The following NEB variants were observed in gnomAD, a reference collection of about 807,000 sequenced individuals.
The protein encoded by NEB is nemaline myopathy type 2.
Under a neutral mutation model 952.2 loss-of-function variants are expected in NEB, and 512 were observed. The observed-to-expected ratio is 0.54, with a 90% CI of 0.50 to 0.58. The LOEUF (loss-of-function observed/expected upper bound fraction) is 0.58, where lower values mean the gene tolerates loss of function less well. Ranked by LOEUF, NEB falls within the 20% of genes least tolerant of loss-of-function variation. The pLI, the probability that NEB is intolerant of heterozygous loss-of-function variation, is 0.00. For synonymous variants in NEB, 2,900 were observed against 3,149.8 expected (o/e 0.92, Z 2.66); for missense variants, 8,428 against 9,231.1 (o/e 0.91, Z 3.56).
In NEB at chr2:151,518,413, TGTACTG is replaced by T; in HGVS notation, c.22699_22704del (p.Gln7567_Tyr7568del). 6.2e-7 allele frequency: 1 copy of T among 1,602,452 alleles called. No individual in the cohort carries two copies. The highest frequency in any genetic ancestry group is 8.5e-7 in the Non-Finnish European group (1 of 1,169,762). On this transcript the variant is annotated inframe_deletion, in exon 156 of 182. Transcript: ENST00000397345. ...CCTTTACTCTTCTCATACTTCTTCTTGTACTGGTACTGAGGGGAAGGCGGCAAAAAA... is the reference window on the plus strand; with the variant it reads ...CCTTTACTCTTCTCATACTTCTTCTTGTACTGAGGGGAAGGCGGCAAAAAA...
intron 4 of NEB, among the ~76,000 whole-genome samples, 178 bp downstream of exon 4, chr2:151,729,437 A>G (rs2099800417): frequency 6.6e-6 from 1 of 152,210 alleles, no homozygotes; most frequent in African/African-American, 2.4e-5. Flanking sequence ...AAGGTGAAAT[A>G]ATCCATCAAA....
intron 181 of NEB, among the ~76,000 whole-genome samples, chr2:151,486,977 G>A (rs1248777138): frequency 6.6e-6 from 1 of 152,032 alleles, no homozygotes; most frequent in Non-Finnish European, 1.5e-5. Flanking sequence ...TTATGGAGAT[G>A]GTTGGAAAAA....
At chr2:151,577,779 A>G (rs1041080266) in intron 105 of NEB, among the ~76,000 whole-genome samples, 3 of 152,158 alleles carry the variant, frequency 2.0e-5, no homozygotes, top group Admixed American at 1.3e-4. Context: ...GGGTTTCACC[A>G]TGTTGGTCAG....
intron 142 of NEB, 58 bp downstream of exon 142, chr2:151,535,633 T>C: frequency 9.1e-7 from 1 of 1,101,792 alleles, no homozygotes; most frequent in Non-Finnish European, 1.3e-6. Flanking sequence ...TTAAAAAAAC[T>C]CTGAGACTTC....
At position 151,627,694 on chromosome 2, in the gene NEB, C is replaced by T. The variant is rs747709979; in HGVS notation, c.9972G>A (p.Lys3324=). Residue 3324 remains lysine (K), a synonymous_variant, in exon 69 of 182, where the codon AAG becomes AAA. Coordinates refer to ENST00000397345, the MANE Select transcript of NEB (RefSeq NM_001164508.2). The stretch of plus-strand genomic sequence containing the variant: ...CTGGGCTGCTGAACTTGGTCTTCCA[C>T]TTCTCAAAGTCCTTCTTATACTCCC... ...SDREYKKDFE[K]WKTKFSSPVD... is the part of the protein sequence containing the mutation. 13 of 1,613,990 alleles carry T rather than the reference C, an allele frequency of 8.1e-6. No homozygotes were observed. In the South Asian group the frequency reaches 1.4e-4, roughly 18 times the overall value.
At chr2:151,731,612 G>C (rs1320235439) in intron 3 of NEB, among the ~76,000 whole-genome samples, 1 of 152,144 alleles carries the variant, frequency 6.6e-6, no homozygotes. Context: ...AGACACAGAT[G>C]CTGTAATGGG....
At chr2:151,683,349 T>C (rs748221928) in intron 28 of NEB, among the ~76,000 whole-genome samples, 4 of 152,198 alleles carry the variant, frequency 2.6e-5, no homozygotes, top group Non-Finnish European at 5.9e-5. Context: ...TTATTTGGAA[T>C]TGGTCCTAGT....
At chr2:151,562,336 A>C in intron 120 of NEB, 122 bp from the exon 121 acceptor site, 1 of 870,828 alleles carries the variant, frequency 1.1e-6, no homozygotes, top group Non-Finnish European at 1.9e-6. Context: ...TAGGCCTCTC[A>C]CCAGCTGGAA....
At position 151,524,384 on chromosome 2, in the gene NEB, C is replaced by G. The variant is rs778536955; in HGVS notation, c.22406G>C (p.Gly7469Ala). ...VEYRAKHRKE[G>A]SHGLSMLGRP... is the part of the protein sequence containing the mutation. ...ACCGAGCATGCTTAAGCCATGGCTG[C>G]CTTCCTTGCGGTGCTTGGCTCTGTA... The change falls in exon 153 of 182, where the codon GGC (glycine) becomes GCC (alanine). Residue 7469 changes from glycine to alanine, a missense_variant. Gly to Ala is a moderately conservative substitution (Grantham distance 60, BLOSUM62 0). Coordinates refer to ENST00000397345, the MANE Select transcript of NEB (RefSeq NM_001164508.2). 4 of 1,613,950 alleles carry G rather than the reference C, an allele frequency of 2.5e-6. 1 individual carries two copies. The South Asian group carries it at 4.4e-5, about 18-fold the overall frequency.
chr2:151,618,723 G>A (rs1645123081), intron 73 of NEB, among the ~76,000 whole-genome samples: 1 of 152,108 alleles, frequency 6.6e-6, no homozygotes, highest in Non-Finnish European at 1.5e-5. Context: ...ACATGGTCCT[G>A]CCTATGACAG....
In NEB at chr2:151,671,144, T is replaced by C; in HGVS notation, c.4385A>G (p.Lys1462Arg). ...CCTCTCATTTAATGCATCGCCTGCT[T>C]TCTTGACCTTCTCCACCTCCAGGGA... ...IGSLEVEKVKKAGDALNERKY... is the reference protein window; with the variant it reads ...IGSLEVEKVKRAGDALNERKY... Residue 1462 changes from lysine to arginine, a missense_variant, in exon 38 of 182, where the codon AAA (lysine) becomes AGA (arginine). Physicochemically the swap from Lys to Arg is conservative, Grantham distance 26. Transcript: ENST00000397345. 1 of 1,613,990 alleles carries C rather than the reference T, an allele frequency of 6.2e-7. No individual in the cohort carries two copies. Among genetic ancestry groups the C allele is most frequent in the Non-Finnish European group, 8.5e-7 (1 of 1,179,864 alleles).
intron 9 of NEB, among the ~76,000 whole-genome samples, chr2:151,720,954 A>C (rs1031057442): frequency 2.6e-5 from 4 of 152,070 alleles, no homozygotes; most frequent in Admixed American, 6.6e-5. Context: ...CTTGATCTGA[A>C]GTTTCCTTCA....
chr2:151,568,671 C>T lies in NEB; in HGVS notation c.17581G>A (p.Asp5861Asn), dbSNP rs375837416. ...GCTGTCACATAATCAACTCTGTCAT[C>T]CACAGGCGTAAAGTTGAGAGTTTCT... is the stretch of plus-strand genomic sequence containing the variant. ...KIETLNFTPV[D>N]DRVDYVTAKQ... Residue 5861 changes from aspartate (D) to asparagine (N), a missense_variant, in exon 111 of 182, where the codon GAT (aspartate) becomes AAT (asparagine). Transcript: ENST00000397345. 1.1e-4 allele frequency: 173 copies of T among 1,609,398 alleles called. No individual in the cohort carries two copies. Among genetic ancestry groups the T allele is most frequent in the Non-Finnish European group, 1.4e-4 (166 of 1,177,794 alleles).
intron 27 of NEB, 97 bp downstream of exon 27, chr2:151,687,322 A>G: frequency 1.0e-6 from 1 of 1,003,128 alleles, no homozygotes. Flanking sequence ...GATGTGAAAG[A>G]GCCCATGCTC....
rs2148843397 is a variant in NEB at position 151,684,919 on chromosome 2, A to G, written c.2694T>C (p.Asp898=). The change falls in exon 28 of 182, where the codon GAT becomes GAC. Residue 898 remains aspartate (D), a synonymous_variant. Transcript: ENST00000397345. ...TCTTAGCTTGAGTGACTTGGAGCAT[A>G]TCAAGAGGTGCCGTGTAGATAGTTT... is the stretch of plus-strand genomic sequence containing the variant. ...KSKTIYTAPL[D]MLQVTQAKKS... is the part of the protein sequence containing the mutation. 6.2e-7 allele frequency: 1 copy of G among 1,613,252 alleles called. No individual in the cohort carries two copies. Among genetic ancestry groups the G allele is most frequent in the East Asian group, 2.2e-5 (1 of 44,866 alleles).
intron 71 of NEB, among the ~76,000 whole-genome samples, chr2:151,621,780 G>T (rs1164250547): frequency 6.6e-6 from 1 of 152,114 alleles, no homozygotes; most frequent in Non-Finnish European, 1.5e-5. Context: ...TAAAAATTTT[G>T]ACTGATTCTG....
intron 107 of NEB, among the ~76,000 whole-genome samples, chr2:151,572,972 C>A (rs763586126): frequency 6.6e-6 from 1 of 151,648 alleles, no homozygotes; most frequent in Non-Finnish European, 1.5e-5. Context: ...TCTCAATTTA[C>A]CATCTGATAA....
Position 151,540,807 on chromosome 2 carries a change from T to C in NEB, c.20683-6A>G, listed in dbSNP as rs1425851312. 6.2e-7 allele frequency: 1 copy of C among 1,604,922 alleles called. No homozygotes were observed. Among genetic ancestry groups the C allele is most frequent in the Non-Finnish European group, 8.5e-7 (1 of 1,171,832 alleles). On this transcript the variant is annotated splice_region_variant and splice_polypyrimidine_tract_variant and intron_variant, in intron 136 of 181. Transcript: ENST00000397345. ...GCAAGTTCAACATACAGATACTGAA[T>C]AATAGAAGAAAGTGAGGTGTCATAG...
intron 164 of NEB, among the ~76,000 whole-genome samples, 176 bp from the exon 165 acceptor site, chr2:151,505,746 A>G (rs967849531): frequency 2.0e-5 from 3 of 152,146 alleles, no homozygotes; most frequent in African/African-American, 7.2e-5. Flanking sequence ...GAGGAGAACA[A>G]TTCCAAGGAC....
Sources: gnomAD v4.1 joint callset for allele counts (sites outside exome capture counted in the v4.1 genomes callset) on GRCh38, gnomAD v4.1.1 for gene constraint, MANE v1.5 for transcripts, NCBI Gene and HGNC (gene_info 2026-07-23, HGNC 2026-07-21) for gene names.